Variants in DMD observed in about 807,000 individuals in gnomAD.
DMD encodes the protein dystrophin, also known as mutant dystrophin.
DMD carries 63 observed loss-of-function variants against 330.1 expected under a neutral mutation model. The ratio of observed to expected loss-of-function variants is 0.19; its 90% CI spans 0.16 to 0.24. The LOEUF (loss-of-function observed/expected upper bound fraction) is 0.24. Among genes scored for constraint, DMD ranks in the 10% least tolerant of loss-of-function variants. The pLI is 1.00. For missense variants in DMD, 3,344 were observed against 2,684.1 expected (o/e 1.25, Z -5.43); for synonymous variants, 1,223 against 959.8 (o/e 1.27, Z -5.07).
chrX:32,763,240 T>C (rs2072550122), intron 7 of DMD, among the ~76,000 whole-genome samples: 1 of 112,345 alleles, frequency 8.9e-6, no homozygotes, highest in South Asian at 3.6e-4. Context: ...TCAGAATTAT[T>C]TAATACAATC....
intron 43 of DMD, among the ~76,000 whole-genome samples, chrX:32,218,049 A>G (rs1454582087): frequency 1.8e-5 from 2 of 111,839 alleles, no homozygotes; most frequent in African/African-American, 3.2e-5. Flanking sequence ...TGGAAAGAAT[A>G]TTAGGAAACA....
At chrX:32,838,380 A>C (rs1328750029) in intron 4 of DMD, among the ~76,000 whole-genome samples, 2 of 110,783 alleles carry the variant, frequency 1.8e-5, no homozygotes, top group Non-Finnish European at 3.8e-5. Flanking sequence ...ATTTCTCCTA[A>C]TTCTATCCCT....
At chrX:31,949,230 T>C (rs776598645) in intron 45 of DMD, among the ~76,000 whole-genome samples, 46 of 111,584 alleles carry the variant, frequency 4.1e-4, no homozygotes, top group African/African-American at 1.4e-3. Flanking sequence ...ATTAAATCTA[T>C]AGAACAAGTT....
chrX:31,973,785 T>C (rs2095416733), intron 44 of DMD, among the ~76,000 whole-genome samples: 1 of 111,917 alleles, frequency 8.9e-6, no homozygotes, highest in South Asian at 3.7e-4. Flanking sequence ...ATGTTTCCAT[T>C]TGTGTCATTC....
chrX:32,996,826 A>G (rs781298555), intron 2 of DMD, among the ~76,000 whole-genome samples: 1 of 111,477 alleles, frequency 9.0e-6, no homozygotes, highest in Non-Finnish European at 1.9e-5. Context: ...AAAAAAAAAA[A>G]AAACTAGCTT....
chrX:32,157,997 T>A (rs1243508498), intron 44 of DMD, among the ~76,000 whole-genome samples: 1 of 112,084 alleles, frequency 8.9e-6, no homozygotes, highest in Non-Finnish European at 1.9e-5. Context: ...ATATTGAGAT[T>A]TTTAGCATAT....
chrX:32,178,830 GGTGTGT>G (rs60773717), intron 44 of DMD, among the ~76,000 whole-genome samples: 82 of 99,016 alleles, frequency 8.3e-4, no homozygotes, highest in East Asian at 9.7e-4. Flanking sequence ...TATTCCAGGG[GGTGTGT>G]GTGTGTGTGT....
intron 21 of DMD, among the ~76,000 whole-genome samples, chrX:32,481,399 G>C (rs778731544): frequency 1.3e-4 from 15 of 111,361 alleles, no homozygotes; most frequent in Non-Finnish European, 2.6e-4. Context: ...ACCAGCTAGA[G>C]GGTGAGTTTT....
At chrX:32,721,635 T>TA (rs1391739241) in intron 7 of DMD, among the ~76,000 whole-genome samples, 1 of 111,265 alleles carries the variant, frequency 9.0e-6, no homozygotes, top group African/African-American at 3.3e-5. Context: ...TGCAAATATC[T>TA]ACTCATAATC....
chrX:32,811,648 C>T (rs1184212149), intron 6 of DMD, among the ~76,000 whole-genome samples: 1 of 111,055 alleles, frequency 9.0e-6, no homozygotes, highest in African/African-American at 3.3e-5. Context: ...AGAGAAAATG[C>T]AAAGGAGTGT....
At chrX:31,785,533 C>A (rs980732049) in intron 50 of DMD, among the ~76,000 whole-genome samples, 4 of 111,328 alleles carry the variant, frequency 3.6e-5, no homozygotes, top group African/African-American at 1.3e-4. Context: ...TATACACGTG[C>A]CATGGTGGTT....
chrX:33,204,894 G>A (rs1448477103), intron 1 of DMD, among the ~76,000 whole-genome samples: 15 of 112,446 alleles, frequency 1.3e-4, no homozygotes, highest in Non-Finnish European at 2.6e-4. Context: ...GACATTTAAA[G>A]TAAAACACTG....
At chrX:32,428,898 C>T (rs73619079) in intron 29 of DMD, among the ~76,000 whole-genome samples, 15,683 of 111,141 alleles carry the variant, frequency 0.14, 912 homozygotes, top group African/African-American at 0.19. Context: ...AGGCGTGAGC[C>T]ACCATGCCCG....
At chrX:32,685,653 GAAGT>G (rs1341407460) in intron 9 of DMD, among the ~76,000 whole-genome samples, 2 of 111,517 alleles carry the variant, frequency 1.8e-5, no homozygotes, top group East Asian at 5.6e-4. Flanking sequence ...TTACCTAATA[GAAGT>G]AAGTATTTAA....
intron 29 of DMD, among the ~76,000 whole-genome samples, chrX:32,420,650 C>A (rs2098185893): frequency 9.0e-6 from 1 of 111,563 alleles, no homozygotes; most frequent in Admixed American, 9.6e-5. Context: ...AACTTTGGAA[C>A]TCGTTAGTCC....
rs772889861 is a variant in DMD, at chrX:32,310,166, T to C, written c.6033A>G (p.Leu2011=). 1.3e-5 allele frequency: 16 copies of C among 1,207,234 alleles called. No homozygotes were observed. The highest frequency in any genetic ancestry group is 3.0e-5 in the East Asian group (1 of 33,658). The part of the protein sequence containing the change: ...LTEITHVSQA[L]LEVEQLLNAP... ...CATTGAGAAGTTGTTCCACTTCTAA[T>C]AGGGCTTGTGAGACATGAGTGATTT... Residue 2011 remains leucine (L), a synonymous_variant, in exon 42 of 79, where the codon CTA becomes CTG. Transcript: ENST00000357033.
At chrX:32,645,874 C>A (rs923394384) in intron 9 of DMD, among the ~76,000 whole-genome samples, 3 of 111,923 alleles carry the variant, frequency 2.7e-5, no homozygotes, top group African/African-American at 9.8e-5. Context: ...ACCCTAAAGC[C>A]AAGAGCAAAG....
intron 11 of DMD, among the ~76,000 whole-genome samples, chrX:32,624,553 A>T (rs1187506195): frequency 9.0e-6 from 1 of 111,621 alleles, no homozygotes; most frequent in Non-Finnish European, 1.9e-5. Flanking sequence ...TCAAACTTTA[A>T]TGTACATATG....
intron 22 of DMD, among the ~76,000 whole-genome samples, chrX:32,470,101 T>C (rs1378478948): frequency 9.0e-6 from 1 of 111,587 alleles, no homozygotes; most frequent in African/African-American, 3.2e-5. Flanking sequence ...CAATTTAGTA[T>C]GCAAAAAAAA....
Sources: allele counts gnomAD v4.1 joint callset (sites outside exome capture counted in the v4.1 genomes callset), GRCh38; gene constraint gnomAD v4.1.1; transcripts MANE v1.5; gene names NCBI Gene and HGNC (gene_info 2026-07-23, HGNC 2026-07-21).